The following SNCAIP variants were observed in gnomAD, a reference collection of about 807,000 sequenced individuals.
The protein encoded by SNCAIP is synuclein alpha interacting protein, also known as synphilin-1.
SNCAIP carries 43 observed loss-of-function variants against 86.7 expected under a neutral mutation model. The ratio of observed to expected loss-of-function variants is 0.50; its 90% CI spans 0.39 to 0.64. SNCAIP has a LOEUF of 0.64. Ranked by LOEUF, SNCAIP falls within the 30% of genes least tolerant of loss-of-function variation. The pLI, the probability that SNCAIP is intolerant of heterozygous loss-of-function variation, is 0.00. For missense variants in SNCAIP, 981 were observed against 1,103.1 expected, an observed-to-expected ratio of 0.89 and a Z score of 1.57; for synonymous variants, 417 against 427.2, an observed-to-expected ratio of 0.98 and a Z score of 0.29.
intron 5 of SNCAIP, among the ~76,000 whole-genome samples, chr5:122,426,064 G>A (rs1435184270): frequency 2.0e-5 from 3 of 152,174 alleles, no homozygotes; most frequent in African/African-American, 7.2e-5. Context: ...ACAAATTAAT[G>A]TCGACTGGAA....
At chr5:122,336,077 G>T (rs2152708054) in intron 1 of SNCAIP, among the ~76,000 whole-genome samples, 1 of 152,082 alleles carries the variant, frequency 6.6e-6, no homozygotes, top group South Asian at 2.1e-4. Flanking sequence ...TTATTACAGA[G>T]GGAGGCCTTC....
intron 10 of SNCAIP, among the ~76,000 whole-genome samples, chr5:122,462,046 C>T (rs1786468092): frequency 6.6e-6 from 1 of 152,184 alleles, no homozygotes; most frequent in East Asian, 1.9e-4. Flanking sequence ...TTCCTTTTTA[C>T]AATAAAGGTG....
chr5:122,442,672 A>C (rs2152976961), intron 7 of SNCAIP, among the ~76,000 whole-genome samples: 1 of 152,368 alleles, frequency 6.6e-6, no homozygotes, highest in East Asian at 1.9e-4. Context: ...AATATTTAAT[A>C]GTCTTGAAAC....
At chr5:122,367,086 G>T (rs1366569003) in intron 1 of SNCAIP, among the ~76,000 whole-genome samples, 1 of 152,062 alleles carries the variant, frequency 6.6e-6, no homozygotes, top group East Asian at 1.9e-4. Context: ...CTCAGCTGAG[G>T]TTGATGGTAT....
intron 1 of SNCAIP, among the ~76,000 whole-genome samples, chr5:122,376,316 C>G (rs1425559685): frequency 6.6e-6 from 1 of 152,030 alleles, no homozygotes; most frequent in Non-Finnish European, 1.5e-5. Context: ...CAAACACATC[C>G]ACTGTAGAAA....
intron 3 of SNCAIP, among the ~76,000 whole-genome samples, chr5:122,416,193 G>A (rs1775276633): frequency 6.6e-6 from 1 of 152,174 alleles, no homozygotes; most frequent in African/African-American, 2.4e-5. Flanking sequence ...TATGTGAGCA[G>A]GTCTTGACAA....
chr5:122,425,619 G>T, intron 5 of SNCAIP, 88 bp downstream of exon 5: 1 of 1,092,832 alleles, frequency 9.2e-7, no homozygotes, highest in South Asian at 1.3e-5. Flanking sequence ...TTGGAAGGGA[G>T]AGAAGAGAGT....
At chr5:122,339,453 T>G (rs1471239207) in intron 1 of SNCAIP, among the ~76,000 whole-genome samples, 1 of 152,250 alleles carries the variant, frequency 6.6e-6, no homozygotes, top group African/African-American at 2.4e-5. Context: ...AAAAATATAG[T>G]AACCCTCCAG....
chr5:122,376,590 T>A lies in SNCAIP; in HGVS notation c.-46-14499T>A, dbSNP rs554225012. 3.9e-5 allele frequency among the ~76,000 whole-genome samples: 6 copies of A among 152,290 alleles called. No individual in the cohort carries two copies. The South Asian group carries it at 1.0e-3, about 26-fold the overall frequency. On this transcript the variant is annotated intron_variant, in intron 1 of 10. Coordinates refer to ENST00000261368, the MANE Select transcript of SNCAIP (RefSeq NM_005460.4). ...ACCTCATTAGGTCATAGTTTTGTCC[T>A]TGTGGAATTGATAAGTTTTCATTTA... is the stretch of plus-strand genomic sequence containing the variant.
intron 1 of SNCAIP, among the ~76,000 whole-genome samples, chr5:122,330,117 C>CCTTTTTTTTTTTTT (rs1415466705): frequency 1.0e-5 from 1 of 96,850 alleles, no homozygotes; most frequent in African/African-American, 4.3e-5. Context: ...AACTTCATTT[C>CCTTTTTTTTTTTTT]TTTTTTTTTT....
intron 1 of SNCAIP, among the ~76,000 whole-genome samples, chr5:122,374,482 T>C (rs557615162): frequency 4.6e-5 from 7 of 152,188 alleles, no homozygotes; most frequent in Non-Finnish European, 8.8e-5. Flanking sequence ...ATATGCTTAA[T>C]GGCAAAGAAT....
At chr5:122,372,640 TA>T (rs1361628708) in intron 1 of SNCAIP, among the ~76,000 whole-genome samples, 1 of 152,206 alleles carries the variant, frequency 6.6e-6, no homozygotes, top group Non-Finnish European at 1.5e-5. Flanking sequence ...CAGTCATACT[TA>T]GAAGAGAAAT....
intron 3 of SNCAIP, among the ~76,000 whole-genome samples, chr5:122,416,245 A>G (rs1253213526): frequency 6.6e-6 from 1 of 152,218 alleles, no homozygotes; most frequent in Non-Finnish European, 1.5e-5. Context: ...AATCGGACAC[A>G]TTCAACGACA....
At chr5:122,315,934 G>A (rs1751621173) in intron 1 of SNCAIP, among the ~76,000 whole-genome samples, 1 of 152,136 alleles carries the variant, frequency 6.6e-6, no homozygotes, top group Admixed American at 6.5e-5. Context: ...AAAGTAAAAA[G>A]TCGAAAGCAT....
At chr5:122,409,840 T>C (rs1048051583) in intron 3 of SNCAIP, among the ~76,000 whole-genome samples, 2 of 152,238 alleles carry the variant, frequency 1.3e-5, no homozygotes, top group Non-Finnish European at 2.9e-5. Flanking sequence ...ATAAACCTCC[T>C]GTTTTCAATA....
intron 10 of SNCAIP, chr5:122,451,939 C>G (rs1012766418): frequency 7.4e-6 from 2 of 269,236 alleles, no homozygotes; most frequent in African/African-American, 2.2e-5. Flanking sequence ...CCAATTAGCG[C>G]AAGTTTAGTC....
At position 122,444,739 on chromosome 5, in the gene SNCAIP, G is replaced by A. The variant is rs1781906342; in HGVS notation, c.1592+7G>A. 3.7e-6 allele frequency: 6 copies of A among 1,612,744 alleles called. No homozygotes were observed. The highest frequency in any genetic ancestry group is 4.2e-6 in the Non-Finnish European group (5 of 1,178,814). ...TAACCAAGCAGCTAAAGGAGTAAGT[G>A]GCCTGTTGGTTCCATGAGAACCAAG... On this transcript the variant is annotated splice_region_variant and intron_variant, in intron 8 of 10. Coordinates refer to ENST00000261368, the MANE Select transcript of SNCAIP (RefSeq NM_005460.4).
At chr5:122,314,376 A>G (rs1751274735) in intron 1 of SNCAIP, among the ~76,000 whole-genome samples, 1 of 152,208 alleles carries the variant, frequency 6.6e-6, no homozygotes, top group Non-Finnish European at 1.5e-5. Flanking sequence ...TAGGAAACAC[A>G]AGGGAATTTC....
intron 1 of SNCAIP, among the ~76,000 whole-genome samples, chr5:122,345,754 G>A (rs546603532): frequency 1.3e-5 from 2 of 152,058 alleles, no homozygotes; most frequent in Admixed American, 6.6e-5. Flanking sequence ...TTTAACTCAT[G>A]GGCTCAAGTG....
Sources: allele counts gnomAD v4.1 joint callset (sites outside exome capture counted in the v4.1 genomes callset), GRCh38; gene constraint gnomAD v4.1.1; transcripts MANE v1.5; gene names NCBI Gene and HGNC (gene_info 2026-07-23, HGNC 2026-07-21).